The following KIF6 variants were observed in gnomAD, a reference collection of about 807,000 sequenced individuals.
KIF6 encodes the protein kinesin-like protein KIF6.
A neutral mutation model predicts 112.7 loss-of-function variants in KIF6; 106 were observed. That is an observed-to-expected ratio of 0.94 (90% confidence interval 0.80 to 1.11). KIF6 has a LOEUF of 1.11. Among genes scored for constraint, KIF6 ranks in the 50% least tolerant of loss-of-function variants. The pLI is 0.00. For synonymous variants in KIF6, 339 were observed against 339.9 expected (o/e 1.00, Z 0.03); for missense variants, 929 against 964.0 (o/e 0.96, Z 0.48).
chr6:39,613,001 G>A (rs1783298366), intron 6 of KIF6, among the ~76,000 whole-genome samples, 188 bp downstream of exon 6: 2 of 152,168 alleles, frequency 1.3e-5, no homozygotes, highest in South Asian at 4.1e-4. Flanking sequence ...CTAGCTGGGT[G>A]ACCTTGGGAA....
At chr6:39,594,719 TAAAA>T (rs1459570742) in intron 7 of KIF6, among the ~76,000 whole-genome samples, 2 of 152,146 alleles carry the variant, frequency 1.3e-5, no homozygotes, top group African/African-American at 4.8e-5. Context: ...ATTAAGCAGT[TAAAA>T]AAAGGTTTTA....
intron 22 of KIF6, among the ~76,000 whole-genome samples, chr6:39,336,898 CCTTCCCTTTCTTCCCTTT>C (rs60374477): frequency 8.7e-5 from 13 of 149,716 alleles, no homozygotes; most frequent in African/African-American, 3.2e-4. Context: ...TCCTTCCCTT[CCTTCCCTTTCTTCCCTTT>C]CTTCCCTTTC....
At chr6:39,602,869 T>C (rs899085300) in intron 6 of KIF6, among the ~76,000 whole-genome samples, 1 of 152,160 alleles carries the variant, frequency 6.6e-6, no homozygotes, top group African/African-American at 2.4e-5. Flanking sequence ...ATAAGCCTAC[T>C]CAAAATTCAT....
At position 39,540,119 on chromosome 6, in the gene KIF6, G is replaced by T. The variant is rs370276826; in HGVS notation, c.1529C>A (p.Pro510His). 4.3e-6 allele frequency: 7 copies of T among 1,614,152 alleles called. No homozygotes were observed. Among genetic ancestry groups the T allele is most frequent in the Non-Finnish European group, 5.1e-6 (6 of 1,179,996 alleles). The change falls in exon 13 of 23, where the codon CCC (proline) becomes CAC (histidine). Residue 510 changes from proline to histidine, a missense_variant. Physicochemically the swap from Pro to His is moderately conservative, Grantham distance 77. This residue lies in a region of KIF6 where 688 missense variants were observed against 662.7 expected (regional missense o/e 1.04). Coordinates refer to ENST00000287152, the MANE Select transcript of KIF6 (RefSeq NM_145027.6). ...RREFRQSQSP[P>H]FRLGNPEEGQ... ...TTCTTCTGGGTTTCCTAGGCGGAAGGGTGGGCTCTGGGACTGTCTGAATTC... is the reference window on the plus strand; with the variant it reads ...TTCTTCTGGGTTTCCTAGGCGGAAGTGTGGGCTCTGGGACTGTCTGAATTC...
At chr6:39,642,062 C>A (rs974308320) in intron 3 of KIF6, among the ~76,000 whole-genome samples, 1 of 152,124 alleles carries the variant, frequency 6.6e-6, no homozygotes, top group Non-Finnish European at 1.5e-5. Flanking sequence ...CATTCCAACT[C>A]AGTCTTGTAA....
chr6:39,340,402 G>A (rs1360330675), intron 22 of KIF6, among the ~76,000 whole-genome samples: 1 of 152,190 alleles, frequency 6.6e-6, no homozygotes, highest in African/African-American at 2.4e-5. Flanking sequence ...CCTGACAGCA[G>A]AGTGGGCATA....
At chr6:39,514,876 A>G (rs977491562) in intron 13 of KIF6, among the ~76,000 whole-genome samples, 12 of 152,238 alleles carry the variant, frequency 7.9e-5, no homozygotes, top group Admixed American at 2.6e-4. Flanking sequence ...TTGTGGATCA[A>G]AATTTGATTA....
intron 15 of KIF6, among the ~76,000 whole-genome samples, chr6:39,409,141 C>T (rs943535826): frequency 3.9e-5 from 6 of 152,198 alleles, no homozygotes; most frequent in East Asian, 1.9e-4. Flanking sequence ...ATGATGATGA[C>T]GGGGACTCTA....
chr6:39,401,323 C>T (rs1202978507), intron 15 of KIF6, among the ~76,000 whole-genome samples: 2 of 152,228 alleles, frequency 1.3e-5, no homozygotes, highest in African/African-American at 4.8e-5. Context: ...GGTAACACCC[C>T]ATACCCCCTA....
At chr6:39,507,320 T>G (rs1450001278) in intron 13 of KIF6, among the ~76,000 whole-genome samples, 1 of 152,114 alleles carries the variant, frequency 6.6e-6, no homozygotes, top group Non-Finnish European at 1.5e-5. Flanking sequence ...TCCCACATAT[T>G]TGGGGGTTAG....
At chr6:39,503,223 A>T (rs181133525) in intron 13 of KIF6, among the ~76,000 whole-genome samples, 49 of 152,332 alleles carry the variant, frequency 3.2e-4, no homozygotes, top group African/African-American at 9.1e-4. Flanking sequence ...AAATTGAACA[A>T]CCTGCTCCTG....
At chr6:39,618,474 G>A (rs1266754497) in intron 5 of KIF6, among the ~76,000 whole-genome samples, 2 of 152,088 alleles carry the variant, frequency 1.3e-5, no homozygotes, top group Non-Finnish European at 2.9e-5. Flanking sequence ...GACACGCTTC[G>A]TTATGCGCCC....
At chr6:39,707,838 T>C (rs1789303807) in intron 3 of KIF6, among the ~76,000 whole-genome samples, 1 of 152,218 alleles carries the variant, frequency 6.6e-6, no homozygotes, top group South Asian at 2.1e-4. Flanking sequence ...TAGCATCCCC[T>C]TTCTCAGAAG....
intron 3 of KIF6, among the ~76,000 whole-genome samples, chr6:39,709,052 A>G (rs1211067237): frequency 6.6e-6 from 1 of 152,222 alleles, no homozygotes. Context: ...GTTACTAATC[A>G]ACCCAAATAG....
chr6:39,379,710 C>T (rs1380496180), intron 16 of KIF6, among the ~76,000 whole-genome samples: 1 of 152,156 alleles, frequency 6.6e-6, no homozygotes, highest in Non-Finnish European at 1.5e-5. Context: ...TCTTTTTATG[C>T]ACATGTCAAC....
At chr6:39,370,593 G>A (rs192756856) in intron 16 of KIF6, among the ~76,000 whole-genome samples, 1 of 152,302 alleles carries the variant, frequency 6.6e-6, no homozygotes, top group African/African-American at 2.4e-5. Context: ...GTGAAATGGC[G>A]AGAGCTGGCT....
chr6:39,661,831 T>C (rs140836725), intron 3 of KIF6, among the ~76,000 whole-genome samples: 2 of 152,292 alleles, frequency 1.3e-5, no homozygotes, highest in African/African-American at 4.8e-5. Context: ...CCTTCTCCAC[T>C]TAGCAACCAG....
intron 3 of KIF6, among the ~76,000 whole-genome samples, chr6:39,651,363 T>C (rs1380101148): frequency 2.0e-5 from 3 of 151,900 alleles, no homozygotes; most frequent in Non-Finnish European, 1.5e-5. Context: ...GTCTGAGAAG[T>C]TTGGAGAGAG....
At chr6:39,612,691 C>A (rs998461584) in intron 6 of KIF6, among the ~76,000 whole-genome samples, 6 of 152,140 alleles carry the variant, frequency 3.9e-5, no homozygotes, top group African/African-American at 1.4e-4. Context: ...ATGTTCAATG[C>A]ATTGTTCTAA....
Sources: gnomAD v4.1 joint callset for allele counts (sites outside exome capture counted in the v4.1 genomes callset) on GRCh38, gnomAD v4.1.1 for gene constraint, gnomAD v4.1.1 regional missense constraint, MANE v1.5 for transcripts, NCBI Gene and HGNC (gene_info 2026-07-23, HGNC 2026-07-21) for gene names.